Variants in AGBL1 observed in about 807,000 individuals in gnomAD.
AGBL1 encodes AGBL carboxypeptidase 1, also known as cytosolic carboxypeptidase 4.
Under a neutral mutation model 118.9 loss-of-function variants are expected in AGBL1, and 130 were observed. The ratio of observed to expected loss-of-function variants is 1.09; its 90% confidence interval spans 0.95 to 1.26. The LOEUF (loss-of-function observed/expected upper bound fraction) is 1.26, where lower values mean the gene tolerates loss of function less well. Among genes scored for constraint, AGBL1 ranks in the 50% most tolerant of loss-of-function variants. The pLI is 0.00. For missense variants in AGBL1, 1,584 were observed against 1,298.1 expected, an observed-to-expected ratio of 1.22 and a Z score of -3.38; for synonymous variants, 555 against 478.9, an observed-to-expected ratio of 1.16 and a Z score of -2.08.
In AGBL1 at chr15:86,397,360, C is replaced by T. The variant is rs766183612; in HGVS notation, c.2375-6C>T. On this transcript the variant is annotated splice_polypyrimidine_tract_variant and splice_region_variant and intron_variant, in intron 17 of 22. Coordinates refer to ENST00000614907, the MANE Select transcript of AGBL1 (RefSeq NM_001386094.1). ...GTTTAATTTTCTTATGTCCCTTTTT[C>T]TGCAGGACATCGTCCATATCAGGTG... 6.7e-7 allele frequency: 1 copy of T among 1,488,198 alleles called. No individual in the cohort carries two copies. 92.2% of individuals were successfully genotyped at this position (1,488,198 alleles called of 1,614,324 possible).
chr15:86,205,369 A>G (rs1024209602), intron 5 of AGBL1, among the ~76,000 whole-genome samples: 6 of 152,224 alleles, frequency 3.9e-5, no homozygotes, highest in Admixed American at 2.0e-4. Flanking sequence ...AGGAAATCTT[A>G]GTTGCTTCCA....
chr15:86,394,741 T>C (rs1223695235), intron 17 of AGBL1, among the ~76,000 whole-genome samples: 1 of 152,076 alleles, frequency 6.6e-6, no homozygotes, highest in African/African-American at 2.4e-5. Context: ...TGTGCAAAAC[T>C]GGAGGAAGAA....
chr15:86,271,042 C>CTTTTT (rs1567169858), intron 14 of AGBL1, among the ~76,000 whole-genome samples: 1 of 66,664 alleles, frequency 1.5e-5, no homozygotes, highest in African/African-American at 8.8e-5. Flanking sequence ...AGTCACGTTG[C>CTTTTT]ATTTTTTTTT....
chr15:86,564,768 C>G (rs896186709), intron 21 of AGBL1, among the ~76,000 whole-genome samples: 1 of 152,200 alleles, frequency 6.6e-6, no homozygotes, highest in African/African-American at 2.4e-5. Flanking sequence ...TCAGGTACAC[C>G]AATCAGATGT....
At chr15:86,879,340 T>C (rs1354872907) in intron 22 of AGBL1, among the ~76,000 whole-genome samples, 3 of 152,190 alleles carry the variant, frequency 2.0e-5, no homozygotes, top group Non-Finnish European at 4.4e-5. Context: ...AAAGAGCTGC[T>C]CAGGGGATGT....
At chr15:86,325,836 G>A (rs2080175869) in intron 17 of AGBL1, among the ~76,000 whole-genome samples, 1 of 152,118 alleles carries the variant, frequency 6.6e-6, no homozygotes, top group Non-Finnish European at 1.5e-5. Flanking sequence ...CGTTGGGGGT[G>A]GTGGGAAGGG....
intron 18 of AGBL1, among the ~76,000 whole-genome samples, chr15:86,454,310 C>T (rs1251941116): frequency 6.6e-6 from 1 of 152,180 alleles, no homozygotes; most frequent in African/African-American, 2.4e-5. Context: ...TTGGAACTCT[C>T]TTACGTGGCC....
intron 21 of AGBL1, among the ~76,000 whole-genome samples, chr15:86,581,321 T>C (rs2142331944): frequency 6.6e-6 from 1 of 152,312 alleles, no homozygotes; most frequent in South Asian, 2.1e-4. Context: ...TCAAGATTTG[T>C]CATCTCTTGA....
At chr15:87,019,964 C>G (rs775664753) in intron 24 of AGBL1, among the ~76,000 whole-genome samples, 1 of 152,038 alleles carries the variant, frequency 6.6e-6, no homozygotes, top group Non-Finnish European at 1.5e-5. Flanking sequence ...AAACAACCAT[C>G]ACAGAATACT....
chr15:86,110,457 G>A (rs1030098592), intron 1 of AGBL1, among the ~76,000 whole-genome samples: 1 of 152,150 alleles, frequency 6.6e-6, no homozygotes, highest in African/African-American at 2.4e-5. Flanking sequence ...CATTAAGTGG[G>A]AGTGGATCAT....
At chr15:86,551,085 T>A (rs956235983) in intron 20 of AGBL1, among the ~76,000 whole-genome samples, 1 of 151,998 alleles carries the variant, frequency 6.6e-6, no homozygotes, top group Non-Finnish European at 1.5e-5. Context: ...GCAAAAATAG[T>A]ACACAGAAGG....
chr15:86,820,890 T>C (rs1036149729), intron 22 of AGBL1, among the ~76,000 whole-genome samples: 2 of 152,166 alleles, frequency 1.3e-5, no homozygotes, highest in Admixed American at 6.6e-5. Context: ...CGTATATTTA[T>C]TGCAGCACTA....
intron 17 of AGBL1, among the ~76,000 whole-genome samples, chr15:86,336,262 A>T (rs544324851): frequency 1.3e-5 from 2 of 152,266 alleles, no homozygotes; most frequent in East Asian, 3.9e-4. Context: ...CCAGGCTGTG[A>T]CTTACATTTT....
At chr15:86,279,581 C>T (rs2079313731) in intron 15 of AGBL1, 58 bp from the exon 16 acceptor site, 2 of 1,547,932 alleles carry the variant, frequency 1.3e-6, no homozygotes, top group East Asian at 2.3e-5. Context: ...CCTAAATGAC[C>T]CTGCACCCCC....
At chr15:86,702,963 T>C (rs1028964475) in intron 22 of AGBL1, among the ~76,000 whole-genome samples, 3 of 152,250 alleles carry the variant, frequency 2.0e-5, no homozygotes, top group African/African-American at 7.2e-5. Context: ...CCTGGGACAC[T>C]TCAACTTTTA....
intron 22 of AGBL1, among the ~76,000 whole-genome samples, chr15:86,810,439 C>T (rs1047593668): frequency 6.6e-6 from 1 of 152,116 alleles, no homozygotes; most frequent in Non-Finnish European, 1.5e-5. Context: ...CCTTGGCATG[C>T]AGTTTTCTTC....
At chr15:86,457,335 C>T (rs929133159) in intron 18 of AGBL1, among the ~76,000 whole-genome samples, 2 of 152,142 alleles carry the variant, frequency 1.3e-5, no homozygotes, top group African/African-American at 2.4e-5. Flanking sequence ...ATAGTTGACA[C>T]ACTAATTTTT....
intron 22 of AGBL1, among the ~76,000 whole-genome samples, chr15:86,823,034 G>T (rs1029623319): frequency 6.6e-6 from 1 of 152,128 alleles, no homozygotes; most frequent in East Asian, 1.9e-4. Flanking sequence ...CTCAATAGAT[G>T]GCTTTTGTTA....
intron 17 of AGBL1, among the ~76,000 whole-genome samples, chr15:86,302,888 A>G (rs1329219674): frequency 1.3e-5 from 2 of 152,124 alleles, no homozygotes; most frequent in Admixed American, 6.6e-5. Flanking sequence ...AGTTGGGCTA[A>G]ATGATAGGTA....
Sources: gnomAD v4.1 joint callset for allele counts (sites outside exome capture counted in the v4.1 genomes callset) on GRCh38, gnomAD v4.1.1 for gene constraint, MANE v1.5 for transcripts, NCBI Gene and HGNC (gene_info 2026-07-23, HGNC 2026-07-21) for gene names.